EYA3: variants seen among roughly 807,000 people sequenced by gnomAD.
The protein encoded by EYA3 is protein phosphatase EYA3.
In EYA3, 39 loss-of-function variants were observed where a neutral mutation model predicts 80.0. The observed-to-expected ratio is 0.49, with a 90% CI of 0.38 to 0.64. EYA3 has a LOEUF of 0.64. Ranked by LOEUF, EYA3 falls within the 30% of genes least tolerant of loss-of-function variation. The pLI is 0.00. For missense variants in EYA3, 523 were observed against 676.1 expected (o/e 0.77, Z 2.51); for synonymous variants, 206 against 232.8 (o/e 0.88, Z 1.05).
In EYA3 at chr1:27,978,521, T is replaced by G. The variant is rs1415356485; in HGVS notation, c.1541-47A>C. The G allele has an allele frequency of 1.3e-6, 2 of 1,514,174 alleles. 1 individual carries two copies. Among genetic ancestry groups the G allele is most frequent in the South Asian group, 2.2e-5 (2 of 88,920 alleles). The allele number at this position is 1,514,174 out of a possible 1,614,324, so 93.8% of individuals were successfully genotyped here. ...CTGTTAGAATACTCTTCTCTTCTTT[T>G]CAAAACCAAAGAAGAGGGCTGCTGC... On this transcript the variant is annotated intron_variant, in intron 16 of 17. Coordinates refer to ENST00000373871, the MANE Select transcript of EYA3 (RefSeq NM_001990.4).
chr1:28,084,601 T>A (rs1360332863), intron 1 of EYA3, among the ~76,000 whole-genome samples: 237 of 46,350 alleles, frequency 5.1e-3, no homozygotes, highest in South Asian at 0.012. Context: ...ATATATTTTT[T>A]TTTTTTTTTT....
chr1:28,026,246 T>A (rs1206842463), intron 7 of EYA3, among the ~76,000 whole-genome samples: 1 of 152,206 alleles, frequency 6.6e-6, no homozygotes, highest in Non-Finnish European at 1.5e-5. Context: ...TAGGTGTAAG[T>A]TATCAGATAT....
chr1:28,087,574 T>C (rs1645702945), intron 1 of EYA3, among the ~76,000 whole-genome samples: 1 of 152,196 alleles, frequency 6.6e-6, no homozygotes. Flanking sequence ...AATTCATAAA[T>C]CTGGGGCTAA....
intron 13 of EYA3, among the ~76,000 whole-genome samples, 179 bp from the exon 14 acceptor site, chr1:27,993,739 C>T (rs1640233914): frequency 1.3e-5 from 2 of 152,156 alleles, no homozygotes; most frequent in South Asian, 2.1e-4. Flanking sequence ...ACACTTATTA[C>T]TTCTATCAAA....
intron 2 of EYA3, among the ~76,000 whole-genome samples, chr1:28,050,105 T>C (rs564191024): frequency 4.6e-5 from 7 of 151,902 alleles, no homozygotes; most frequent in African/African-American, 1.4e-4. Context: ...CAAATTTAGT[T>C]AATCAACTCC....
chr1:27,986,461 C>T (rs1405936808), intron 16 of EYA3, among the ~76,000 whole-genome samples: 12 of 150,192 alleles, frequency 8.0e-5, no homozygotes, highest in South Asian at 2.1e-4. Flanking sequence ...TGCAGTAGCG[C>T]GATCTCGGCT....
chr1:28,007,700 GCATCAAAAAGAAA>G lies in EYA3; in HGVS notation c.909+3234_909+3246del, dbSNP rs774521603. On this transcript the variant is annotated intron_variant, in intron 10 of 17. Transcript: ENST00000373871. ...GGAAATTTAAAAACCTTTTGTGATA[GCATCAAAAAGAAA>G]ATACTTAGGAATAAATTTAACCAAG... Among the ~76,000 whole-genome samples the G allele has an allele frequency of 2.8e-3, 424 of 152,150 alleles. 3 individuals carry two copies. Among genetic ancestry groups the G allele is most frequent in the African/African-American group, 9.8e-3 (405 of 41,514 alleles).
chr1:28,004,869 AAC>A (rs1176332176), intron 10 of EYA3, among the ~76,000 whole-genome samples: 1 of 152,142 alleles, frequency 6.6e-6, no homozygotes, highest in Non-Finnish European at 1.5e-5. Context: ...AGACTACAAA[AAC>A]AACAGAGAAA....
chr1:28,087,951 T>C (rs1032033557), intron 1 of EYA3, among the ~76,000 whole-genome samples: 1 of 152,176 alleles, frequency 6.6e-6, no homozygotes, highest in Non-Finnish European at 1.5e-5. Flanking sequence ...AGTCTTCCCA[T>C]TTCGGGGCTT....
chr1:28,054,283 G>C (rs1644366694), intron 2 of EYA3, among the ~76,000 whole-genome samples: 1 of 152,178 alleles, frequency 6.6e-6, no homozygotes, highest in Non-Finnish European at 1.5e-5. Context: ...AATTATTAGA[G>C]AGGTAAATAT....
At chr1:28,084,238 A>C (rs1645532829) in intron 1 of EYA3, among the ~76,000 whole-genome samples, 1 of 152,072 alleles carries the variant, frequency 6.6e-6, no homozygotes, top group South Asian at 2.1e-4. Context: ...TACTACTATA[A>C]AGAACAGAGA....
At chr1:28,010,760 G>T (rs549117893) in intron 10 of EYA3, 187 bp downstream of exon 10, 7 of 594,390 alleles carry the variant, frequency 1.2e-5, no homozygotes, top group Admixed American at 9.7e-5. Flanking sequence ...TTCTCTTCTG[G>T]AATATACAGA....
chr1:27,976,658 T>C (rs1365855462), intron 17 of EYA3, among the ~76,000 whole-genome samples: 1 of 152,200 alleles, frequency 6.6e-6, no homozygotes, highest in Non-Finnish European at 1.5e-5. Flanking sequence ...GCAGAAAATA[T>C]CCTTCACAGA....
intron 11 of EYA3, among the ~76,000 whole-genome samples, chr1:28,001,978 C>T (rs1364893918): frequency 3.3e-5 from 5 of 151,736 alleles, no homozygotes; most frequent in South Asian, 4.1e-4. Flanking sequence ...TGCAATGGTG[C>T]GATCTCAGCT....
At position 28,023,957 on chromosome 1, in the gene EYA3, G is replaced by A. The variant is rs146429167; in HGVS notation, c.499+3832C>T. Among the ~76,000 whole-genome samples the A allele has an allele frequency of 7.0e-3, 1,059 of 152,256 alleles. 5 individuals are homozygous for A. The highest frequency in any genetic ancestry group is 0.011 in the Non-Finnish European group (725 of 68,022). On this transcript the variant is annotated intron_variant, in intron 7 of 17. Coordinates refer to ENST00000373871, the MANE Select transcript of EYA3 (RefSeq NM_001990.4). ...AATTATTAATAAAAAATAAAGTCTA[G>A]GCCAGGCGCGGTGGCTCACACCTGT... is the stretch of plus-strand genomic sequence containing the variant.
At chr1:28,032,686 T>C (rs138923311) in intron 6 of EYA3, among the ~76,000 whole-genome samples, 1 of 152,288 alleles carries the variant, frequency 6.6e-6, no homozygotes, top group Non-Finnish European at 1.5e-5. Context: ...CTTTCTGCCA[T>C]CCCACCCCAT....
chr1:28,064,288 G>C (rs945393798), intron 1 of EYA3, among the ~76,000 whole-genome samples: 1 of 151,940 alleles, frequency 6.6e-6, no homozygotes, highest in Non-Finnish European at 1.5e-5. Flanking sequence ...TATGACTCAT[G>C]TGACAGATGT....
intron 15 of EYA3, among the ~76,000 whole-genome samples, chr1:27,989,202 G>A (rs1221736089): frequency 3.3e-5 from 5 of 152,182 alleles, no homozygotes; most frequent in Non-Finnish European, 5.9e-5. Context: ...ACTGCTTTGC[G>A]GGAGGGAGTA....
chr1:28,010,664 C>T lies in EYA3; in HGVS notation c.909+283G>A, dbSNP rs922334274. 10 of 312,344 alleles carry T rather than the reference C, an allele frequency of 3.2e-5. No individual in the cohort carries two copies. In the East Asian group the frequency reaches 5.4e-4, roughly 17 times the overall value. 19.3% of individuals were successfully genotyped at this position (312,344 alleles called of 1,614,324 possible). On this transcript the variant is annotated intron_variant, in intron 10 of 17. Coordinates refer to ENST00000373871, the MANE Select transcript of EYA3 (RefSeq NM_001990.4). ...GGGATTACAGATGTAAGCCACCGCA[C>T]CTGACCCTTTTAAAATTTTAAATAG...
Sources: allele counts gnomAD v4.1 joint callset (sites outside exome capture counted in the v4.1 genomes callset), GRCh38; gene constraint gnomAD v4.1.1; transcripts MANE v1.5; gene names NCBI Gene and HGNC (gene_info 2026-07-23, HGNC 2026-07-21).